XRN1: variants seen among roughly 807,000 people sequenced by gnomAD.
The protein encoded by XRN1 is strand-exchange protein 1 homolog.
Under a neutral mutation model 222.3 loss-of-function variants are expected in XRN1, and 67 were observed. The ratio of observed to expected loss-of-function variants is 0.30; its 90% CI spans 0.25 to 0.37. The LOEUF (loss-of-function observed/expected upper bound fraction) is 0.37, where lower values mean the gene tolerates loss of function less well. Among genes scored for constraint, XRN1 ranks in the 10% least tolerant of loss-of-function variants. The pLI, the probability that XRN1 is intolerant of heterozygous loss-of-function variation, is 1.00. For synonymous variants in XRN1, 643 were observed against 652.4 expected, an observed-to-expected ratio of 0.99 and a Z score of 0.22; for missense variants, 1,707 against 2,000.2, an observed-to-expected ratio of 0.85 and a Z score of 2.80.
intron 1 of XRN1, among the ~76,000 whole-genome samples, chr3:142,438,033 G>C (rs112485714): frequency 1.1e-4 from 16 of 152,292 alleles, no homozygotes; most frequent in African/African-American, 2.9e-4. Flanking sequence ...TTATCCAAAA[G>C]ACAGGCTACA....
At chr3:142,431,870 TTATATTATA>T (rs1224547999) in intron 2 of XRN1, among the ~76,000 whole-genome samples, 3 of 21,490 alleles carry the variant, frequency 1.4e-4, no homozygotes, top group African/African-American at 6.6e-4. Context: ...ATATAATATA[TTATATTATA>T]TATATTATAT....
At position 142,361,358 on chromosome 3, in the gene XRN1, CA is replaced by C. The variant is rs568195715; in HGVS notation, c.3395-1428del. 2.1e-3 allele frequency among the ~76,000 whole-genome samples: 314 copies of C among 152,280 alleles called. 1 individual carries two copies. The highest frequency in any genetic ancestry group is 3.6e-3 in the Non-Finnish European group (247 of 68,020). ...TAAAGCTGCTATGAAGATTCATGAA[CA>C]AGGCTTTATGTGGATTTAAGCCCTT... On this transcript the variant is annotated intron_variant, in intron 29 of 40. Coordinates refer to ENST00000392981, the MANE Select transcript of XRN1 (RefSeq NM_001282857.2).
rs1244221025 is a variant in XRN1, at chr3:142,360,035, A to G, written c.3395-104T>C. 7 of 641,530 alleles carry G rather than the reference A, an allele frequency of 1.1e-5. No individual in the cohort carries two copies. In the African/African-American group the frequency reaches 1.1e-4, roughly 10 times the overall value. 39.7% of individuals were successfully genotyped at this position (641,530 alleles called of 1,614,324 possible). On this transcript the variant is annotated intron_variant, in intron 29 of 40. Coordinates refer to ENST00000392981, the MANE Select transcript of XRN1 (RefSeq NM_001282857.2). ...GGAAGTATTTATTATAAAATTCTAG[A>G]TATGATATAAAATATTCAGGATATG...
intron 33 of XRN1, among the ~76,000 whole-genome samples, chr3:142,346,766 C>T (rs2066154779): frequency 6.6e-6 from 1 of 152,192 alleles, no homozygotes; most frequent in Admixed American, 6.5e-5. Flanking sequence ...CAGGCATGAG[C>T]CACCGTGCCC....
rs755405240 is a variant in XRN1 at position 142,414,249 on chromosome 3, G to T, written c.1479C>A (p.His493Gln). 1 of 1,613,414 alleles carries T rather than the reference G, an allele frequency of 6.2e-7. No individual in the cohort carries two copies. Among genetic ancestry groups the T allele is most frequent in the South Asian group, 1.1e-5 (1 of 90,952 alleles). ...YHYAPFLSDI[H>Q]NISTLKIHFE... ...AATGGATTTTGAGTGTACTGATGTT[G>T]TGTATATCAGACAGGAAAGGTGCAT... Residue 493 changes from histidine to glutamine, a missense_variant, in exon 14 of 41, where the codon CAC (histidine) becomes CAA (glutamine). His to Gln is a conservative substitution (Grantham distance 24). Transcript: ENST00000392981.
At chr3:142,376,118 T>C (rs1559829371) in intron 24 of XRN1, 174 bp from the exon 25 acceptor site, 15 of 1,193,544 alleles carry the variant, frequency 1.3e-5, no homozygotes, top group Admixed American at 3.6e-5. Context: ...GTAGCAGTAA[T>C]TGAAAAACTA....
intron 22 of XRN1, among the ~76,000 whole-genome samples, chr3:142,382,181 T>C (rs2067327015): frequency 6.6e-6 from 1 of 152,124 alleles, no homozygotes; most frequent in Non-Finnish European, 1.5e-5. Flanking sequence ...AAATAATCTG[T>C]AGGAGATACA....
In XRN1 at chr3:142,426,788, G is replaced by A. The variant is rs754527318; in HGVS notation, c.362C>T (p.Thr121Ile). The A allele has an allele frequency of 1.9e-6, 3 of 1,613,816 alleles. No homozygotes were observed. The highest frequency in any genetic ancestry group is 2.5e-6 in the Non-Finnish European group (3 of 1,179,930). ...KIKKAIEKGETLPTEARFDSN... is the reference protein window; with the variant it reads ...KIKKAIEKGEILPTEARFDSN... ...ATCAAATCTGGCCTCTGTAGGAAGA[G>A]TTTCTCCCTTCTCTATTGCCTTTTT... The change falls in exon 3 of 41, where the codon ACT becomes ATT. Residue 121 changes from threonine (T) to isoleucine (I), a missense_variant. By Grantham distance (89) the Thr-to-Ile change is moderately conservative (BLOSUM62 -1). This residue lies in a region of XRN1 where 1,234 missense variants were observed against 1,518.2 expected (regional missense o/e 0.81). Transcript: ENST00000392981.
In XRN1 at chr3:142,447,825, C is replaced by A. The variant is rs747035581; in HGVS notation, c.75+45G>T. 1.2e-6 allele frequency: 2 copies of A among 1,607,408 alleles called. No homozygotes were observed. Among genetic ancestry groups the A allele is most frequent in the Non-Finnish European group, 1.7e-6 (2 of 1,176,348 alleles). On this transcript the variant is annotated intron_variant, in intron 1 of 40. Coordinates refer to ENST00000392981, the MANE Select transcript of XRN1 (RefSeq NM_001282857.2). The surrounding 1 kb of genome is among the most constrained non-coding windows in gnomAD (Gnocchi z 4.2). ...CTCTAAGGTGGAGAGGGCCGCGGAG[C>A]CCCGGGTCCTCGGCTTTCTGAGCCG...
At position 142,447,715 on chromosome 3, in the gene XRN1, G is replaced by C. The variant is rs1025900732; in HGVS notation, c.75+155C>G. Reference sequence around the variant, plus strand: ...GTCCTTAGCCCCTTTCGGCTCATCCGGGCGTCCTCAAACCTTCCGTCCCCC... The same window carrying C: ...GTCCTTAGCCCCTTTCGGCTCATCCCGGCGTCCTCAAACCTTCCGTCCCCC... On this transcript the variant is annotated intron_variant, in intron 1 of 40. Coordinates refer to ENST00000392981, the MANE Select transcript of XRN1 (RefSeq NM_001282857.2). The surrounding 1 kb of genome is among the most constrained non-coding windows in gnomAD (Gnocchi z 4.2). Among the ~76,000 whole-genome samples the C allele has an allele frequency of 6.6e-6, 1 of 152,092 alleles. No individual in the cohort carries two copies. Among genetic ancestry groups the C allele is most frequent in the East Asian group, 1.9e-4 (1 of 5,184 alleles).
chr3:142,415,293 T>G (rs1315452317), intron 13 of XRN1, among the ~76,000 whole-genome samples: 3 of 152,118 alleles, frequency 2.0e-5, no homozygotes, highest in Admixed American at 2.0e-4. Flanking sequence ...CCAAAAACAT[T>G]GAAATGTTTT....
chr3:142,355,210 A>C (rs1034520423), intron 32 of XRN1, 191 bp downstream of exon 32: 1 of 327,336 alleles, frequency 3.1e-6, no homozygotes, highest in East Asian at 5.2e-5. Flanking sequence ...ACAAACCTGT[A>C]CATGTATCTC....
In XRN1 at chr3:142,362,285, G is replaced by A. The variant is rs1201838710; in HGVS notation, c.3395-2354C>T. On this transcript the variant is annotated intron_variant, in intron 29 of 40. Transcript: ENST00000392981. Reference sequence around the variant, plus strand: ...CCCAAGTAGCTGGGATTACAGGCATGCACCACCATGCCTGGCTAATTTTTG... The same window carrying A: ...CCCAAGTAGCTGGGATTACAGGCATACACCACCATGCCTGGCTAATTTTTG... Among the ~76,000 whole-genome samples, 4 of 152,140 alleles carry A rather than the reference G, an allele frequency of 2.6e-5. No individual in the cohort carries two copies. In the East Asian group the frequency reaches 5.8e-4, roughly 22 times the overall value.
chr3:142,415,730 C>T (rs1487213780), intron 13 of XRN1, among the ~76,000 whole-genome samples: 2 of 152,162 alleles, frequency 1.3e-5, no homozygotes, highest in African/African-American at 2.4e-5. Flanking sequence ...ATTAATGTCA[C>T]ATTATTTTGC....
At chr3:142,350,234 G>A (rs895118094) in intron 32 of XRN1, among the ~76,000 whole-genome samples, 4 of 152,030 alleles carry the variant, frequency 2.6e-5, no homozygotes, top group Admixed American at 6.6e-5. Context: ...AGACCTTAGA[G>A]GTCATCTAAG....
intron 1 of XRN1, among the ~76,000 whole-genome samples, chr3:142,438,302 C>A (rs1409856826): frequency 6.8e-6 from 1 of 146,264 alleles, no homozygotes; most frequent in Non-Finnish European, 1.5e-5. Flanking sequence ...GGAACTCACC[C>A]CTGAGCACAA....
chr3:142,424,321 C>T (rs2069162693), intron 5 of XRN1, among the ~76,000 whole-genome samples: 1 of 152,116 alleles, frequency 6.6e-6, no homozygotes, highest in South Asian at 2.1e-4. Flanking sequence ...GTCTTGAACT[C>T]CTGACCTTAG....
chr3:142,439,809 C>G (rs1432254414), intron 1 of XRN1, among the ~76,000 whole-genome samples: 1 of 151,804 alleles, frequency 6.6e-6, no homozygotes, highest in African/African-American at 2.4e-5. Flanking sequence ...TTTGGAGGCT[C>G]TGGAAAAGGG....
chr3:142,371,442 T>C (rs999834290), intron 25 of XRN1, 114 bp from the exon 26 acceptor site: 9 of 727,044 alleles, frequency 1.2e-5, no homozygotes, highest in African/African-American at 1.8e-5. Context: ...TGAGGACTAC[T>C]ATAATATTAA....
Sources: allele counts gnomAD v4.1 joint callset (sites outside exome capture counted in the v4.1 genomes callset), GRCh38; gene constraint gnomAD v4.1.1; regional missense constraint gnomAD v4.1.1; non-coding constraint Gnocchi (gnomAD v3.1); transcripts MANE v1.5; gene names NCBI Gene and HGNC (gene_info 2026-07-23, HGNC 2026-07-21).